Variants in PCSK2 observed in about 807,000 individuals in gnomAD.
PCSK2 encodes neuroendocrine convertase 2.
A neutral mutation model predicts 69.7 loss-of-function variants in PCSK2; 14 were observed. That is an observed-to-expected ratio of 0.20 (90% confidence interval 0.13 to 0.31). The LOEUF is 0.31. PCSK2 is among the 10% of genes least tolerant of loss of function. The pLI is 1.00. For missense variants in PCSK2, 544 were observed against 842.5 expected, an observed-to-expected ratio of 0.65 and a Z score of 4.39; for synonymous variants, 307 against 320.7, an observed-to-expected ratio of 0.96 and a Z score of 0.46.
chr20:17,290,297 A>C (rs568204358), intron 2 of PCSK2, among the ~76,000 whole-genome samples: 26 of 152,320 alleles, frequency 1.7e-4, no homozygotes, highest in African/African-American at 5.8e-4. Flanking sequence ...TCTTTTGGGA[A>C]GTGCTCCACT....
intron 2 of PCSK2, among the ~76,000 whole-genome samples, chr20:17,323,641 A>C (rs1363843682): frequency 6.6e-6 from 1 of 152,232 alleles, no homozygotes; most frequent in Non-Finnish European, 1.5e-5. Context: ...ACAAATTATA[A>C]ATAGGGACTA....
chr20:17,227,013 T>G, upstream of PCSK2: 3 of 269,688 alleles, frequency 1.1e-5, no homozygotes, highest in African/African-American at 4.5e-5. Flanking sequence ...AAAATGCAGA[T>G]TTAGCATCAA....
At chr20:17,227,976 C>T (rs6111463) in intron 1 of PCSK2, among the ~76,000 whole-genome samples, 2,541 of 152,274 alleles carry the variant, frequency 0.017, 78 homozygotes, top group African/African-American at 0.058. Context: ...GGACTTCCCT[C>T]CCAGGGACTT....
intron 2 of PCSK2, among the ~76,000 whole-genome samples, chr20:17,294,193 C>T (rs1426092417): frequency 7.3e-5 from 11 of 150,610 alleles, no homozygotes; most frequent in Middle Eastern, 3.4e-3. Context: ...CAAGCTCCGC[C>T]TCCCGGGTTC....
At position 17,483,214 on chromosome 20, in the gene PCSK2, A is replaced by G. The variant is rs1041819402; in HGVS notation, c.*1144A>G. The G allele has an allele frequency of 2.0e-5, 3 of 152,132 alleles. No individual in the cohort carries two copies. The highest frequency in any genetic ancestry group is 4.8e-5 in the African/African-American group (2 of 41,430). The allele number at this position is 152,132 out of a possible 1,614,324, so 9.4% of individuals were successfully genotyped here. ...TTGAAGATGCGAGCGCTATCTTCAC[A>G]TAGTTCTCCAGTTGTATGGAGCCTC... On this transcript the variant is annotated 3_prime_UTR_variant, in exon 12 of 12. Coordinates refer to ENST00000262545, the MANE Select transcript of PCSK2 (RefSeq NM_002594.5).
chr20:17,358,577 AT>A (rs1167056939), intron 3 of PCSK2, 137 bp downstream of exon 3: 2 of 592,014 alleles, frequency 3.4e-6, no homozygotes, highest in African/African-American at 3.7e-5. Context: ...TTACATATGT[AT>A]TGATTTTCTG....
intron 11 of PCSK2, among the ~76,000 whole-genome samples, chr20:17,470,074 T>A (rs2033174587): frequency 6.6e-6 from 1 of 152,146 alleles, no homozygotes; most frequent in South Asian, 2.1e-4. Context: ...AATGGGGGAT[T>A]TAAGGCTAAA....
At chr20:17,234,624 C>T (rs1156689836) in intron 1 of PCSK2, among the ~76,000 whole-genome samples, 1 of 152,144 alleles carries the variant, frequency 6.6e-6, no homozygotes, top group Non-Finnish European at 1.5e-5. Context: ...CAGTTACAAC[C>T]TGATCAAAAT....
intron 2 of PCSK2, among the ~76,000 whole-genome samples, chr20:17,328,323 A>G (rs1039907299): frequency 2.0e-5 from 3 of 150,294 alleles, no homozygotes; most frequent in Non-Finnish European, 4.4e-5. Context: ...ATTTTAATAT[A>G]TATATAATTA....
chr20:17,362,415 G>C (rs1016774884), intron 4 of PCSK2, among the ~76,000 whole-genome samples: 11 of 152,200 alleles, frequency 7.2e-5, no homozygotes, highest in African/African-American at 2.7e-4. Context: ...TCTGTGGGTT[G>C]CTGGAGTTCA....
chr20:17,469,999 C>T (rs1600605374), intron 11 of PCSK2, among the ~76,000 whole-genome samples: 3 of 152,308 alleles, frequency 2.0e-5, no homozygotes, highest in African/African-American at 4.8e-5. Context: ...CACTGGTCTA[C>T]AATGCCAAGG....
Position 17,453,958 on chromosome 20 carries a change from G to C in PCSK2, c.1101+1G>C, listed in dbSNP as rs1226188759. ...GAAAAGGAACCCCGAGGCCGGTGTG[G>C]TGAGCACGTCCCCTTCTGTCCTTGT... On this transcript the variant is annotated splice_donor_variant, in intron 9 of 11. Coordinates refer to ENST00000262545, the MANE Select transcript of PCSK2 (RefSeq NM_002594.5). LOFTEE classifies it high-confidence loss of function. The surrounding 1 kb of genome is among the most constrained non-coding windows in gnomAD (Gnocchi z 4.0). 6.2e-7 allele frequency: 1 copy of C among 1,614,016 alleles called. No individual in the cohort carries two copies. The highest frequency in any genetic ancestry group is 8.5e-7 in the Non-Finnish European group (1 of 1,180,036).
chr20:17,319,395 G>A (rs1027322387), intron 2 of PCSK2, among the ~76,000 whole-genome samples: 9 of 152,140 alleles, frequency 5.9e-5, no homozygotes, highest in Non-Finnish European at 1.0e-4. Flanking sequence ...AGTAGGAGCC[G>A]ATTGGTCTTG....
intron 11 of PCSK2, chr20:17,479,504 C>T (rs970857339): frequency 7.2e-6 from 3 of 415,432 alleles, no homozygotes; most frequent in Admixed American, 3.6e-5. Flanking sequence ...TATTTAACCA[C>T]ACAAGAATCA....
At chr20:17,340,055 G>A (rs1488067699) in intron 2 of PCSK2, among the ~76,000 whole-genome samples, 9 of 152,168 alleles carry the variant, frequency 5.9e-5, no homozygotes, top group Non-Finnish European at 8.8e-5. Context: ...CCTAAGCATG[G>A]GGTCTACCCC....
intron 8 of PCSK2, among the ~76,000 whole-genome samples, chr20:17,446,383 T>C (rs2032699402): frequency 1.3e-5 from 2 of 152,174 alleles, no homozygotes. Context: ...CCACAGGGAC[T>C]CTGCAGAGTC....
rs974566562 is a variant in PCSK2, at chr20:17,343,713, A to T, written c.283-14614A>T. 3.3e-5 allele frequency among the ~76,000 whole-genome samples: 5 copies of T among 152,362 alleles called. No individual in the cohort carries two copies. The East Asian group carries it at 7.7e-4, about 24-fold the overall frequency. On this transcript the variant is annotated intron_variant, in intron 2 of 11. Transcript: ENST00000262545. The stretch of plus-strand genomic sequence containing the variant: ...CCAATGTAATCACGAGTATCCTTAC[A>T]AGAGGAAGGCAGAAGAGAAAGTCAA...
chr20:17,268,037 A>ATATATATATATATATATATT (rs1568576710), intron 2 of PCSK2, among the ~76,000 whole-genome samples: 1 of 30,044 alleles, frequency 3.3e-5, no homozygotes, highest in Non-Finnish European at 6.5e-5. Flanking sequence ...CAATGTGTAT[A>ATATATATATATATATATATT]TATATATATA....
At chr20:17,245,113 C>T (rs753389162) in intron 1 of PCSK2, among the ~76,000 whole-genome samples, 3 of 152,112 alleles carry the variant, frequency 2.0e-5, no homozygotes, top group South Asian at 2.1e-4. Context: ...AGTTTCCTCC[C>T]GAAGAAGAGC....
Sources: allele counts gnomAD v4.1 joint callset (sites outside exome capture counted in the v4.1 genomes callset), GRCh38; gene constraint gnomAD v4.1.1; non-coding constraint Gnocchi (gnomAD v3.1); transcripts MANE v1.5; gene names NCBI Gene and HGNC (gene_info 2026-07-23, HGNC 2026-07-21).